Variants in PDGFD observed in about 807,000 individuals in gnomAD.
The protein encoded by PDGFD is platelet derived growth factor D, also known as platelet-derived growth factor D.
In PDGFD, 30 loss-of-function variants were observed where a neutral mutation model predicts 44.7. The ratio of observed to expected loss-of-function variants is 0.67; its 90% confidence interval spans 0.50 to 0.91. The LOEUF (loss-of-function observed/expected upper bound fraction) is 0.91, where lower values mean the gene tolerates loss of function less well. Among genes scored for constraint, PDGFD ranks in the 40% least tolerant of loss-of-function variants. PDGFD has a pLI of 0.00. For synonymous variants in PDGFD, 173 were observed against 168.4 expected, an observed-to-expected ratio of 1.03 and a Z score of -0.21; for missense variants, 445 against 457.8, an observed-to-expected ratio of 0.97 and a Z score of 0.25.
intron 3 of PDGFD, among the ~76,000 whole-genome samples, chr11:103,978,422 T>G (rs554267521): frequency 6.6e-6 from 1 of 152,056 alleles, no homozygotes; most frequent in Non-Finnish European, 1.5e-5. Flanking sequence ...TGCTGTTTGT[T>G]TGAAGGGTAG....
intron 1 of PDGFD, among the ~76,000 whole-genome samples, chr11:104,099,342 A>T (rs1861334549): frequency 6.6e-6 from 1 of 152,152 alleles, no homozygotes; most frequent in African/African-American, 2.4e-5. Context: ...GTTATGATGA[A>T]ATATGAACAT....
chr11:103,971,749 C>T (rs1011963192), intron 3 of PDGFD, among the ~76,000 whole-genome samples: 4 of 152,202 alleles, frequency 2.6e-5, no homozygotes, highest in African/African-American at 9.6e-5. Flanking sequence ...TTAATAAGTT[C>T]TCCCACTGTA....
intron 5 of PDGFD, among the ~76,000 whole-genome samples, chr11:103,936,591 T>C (rs1369946220): frequency 6.6e-6 from 1 of 152,180 alleles, no homozygotes; most frequent in Non-Finnish European, 1.5e-5. Context: ...TACCTGTAAA[T>C]AATTTGCAAA....
At chr11:104,142,449 A>G (rs1388424143) in intron 1 of PDGFD, among the ~76,000 whole-genome samples, 6 of 152,166 alleles carry the variant, frequency 3.9e-5, no homozygotes, top group Admixed American at 3.3e-4. Context: ...GTGTGTGTAT[A>G]TATATAGTAT....
At chr11:104,063,725 G>C (rs556532918) in intron 1 of PDGFD, among the ~76,000 whole-genome samples, 1 of 152,108 alleles carries the variant, frequency 6.6e-6, no homozygotes, top group African/African-American at 2.4e-5. Flanking sequence ...AATGATGGGG[G>C]AGGTGCCACA....
chr11:103,979,794 T>C (rs1272460356), intron 3 of PDGFD, among the ~76,000 whole-genome samples: 1 of 152,108 alleles, frequency 6.6e-6, no homozygotes, highest in East Asian at 1.9e-4. Flanking sequence ...GAAATAACCA[T>C]TCTATTTTTA....
At chr11:104,120,614 G>A (rs1235436535) in intron 1 of PDGFD, among the ~76,000 whole-genome samples, 1 of 151,788 alleles carries the variant, frequency 6.6e-6, no homozygotes, top group East Asian at 1.9e-4. Flanking sequence ...TTACTATCTC[G>A]AGAATTTGAT....
chr11:104,119,164 C>T (rs1202853362), intron 1 of PDGFD, among the ~76,000 whole-genome samples: 1,503 of 5,774 alleles, frequency 0.26, 375 homozygotes, highest in Non-Finnish European at 0.28. Context: ...ATTGATATAA[C>T]ATATAATATA....
intron 1 of PDGFD, chr11:104,037,233 G>C: frequency 6.2e-7 from 1 of 1,613,706 alleles, no homozygotes; most frequent in Non-Finnish European, 8.5e-7. Flanking sequence ...TGGCCGGCCT[G>C]CAAGGTCTGG....
At chr11:103,941,937 A>G (rs1421744691) in intron 5 of PDGFD, among the ~76,000 whole-genome samples, 1 of 152,112 alleles carries the variant, frequency 6.6e-6, no homozygotes, top group Non-Finnish European at 1.5e-5. Flanking sequence ...AATGTCTTAC[A>G]GAAAAGCAAT....
Position 104,071,048 on chromosome 11 carries a change from G to A in PDGFD, c.125-70793C>T, listed in dbSNP as rs150210431. Among the ~76,000 whole-genome samples the A allele has an allele frequency of 4.5e-3, 685 of 151,844 alleles. 8 individuals carry two copies. The highest frequency in any genetic ancestry group is 0.016 in the African/African-American group (652 of 41,446). ...GCCTGCTCCCTCACTGCCTCACTAG[G>A]GGAGTGTGATGTAAACAATATACAT... On this transcript the variant is annotated intron_variant, in intron 1 of 6. Coordinates refer to ENST00000393158, the MANE Select transcript of PDGFD (RefSeq NM_025208.5).
chr11:103,936,608 T>C (rs1249612512), intron 5 of PDGFD, among the ~76,000 whole-genome samples: 1 of 152,114 alleles, frequency 6.6e-6, no homozygotes, highest in Non-Finnish European at 1.5e-5. Context: ...CAAATTAGAG[T>C]CAAATGTTTT....
At chr11:104,061,025 C>A (rs1860707320) in intron 1 of PDGFD, among the ~76,000 whole-genome samples, 1 of 152,098 alleles carries the variant, frequency 6.6e-6, no homozygotes, top group African/African-American at 2.4e-5. Context: ...CCCACAGGCC[C>A]TGGTAACCTC....
intron 3 of PDGFD, among the ~76,000 whole-genome samples, chr11:103,953,090 T>A (rs145577101): frequency 6.6e-6 from 1 of 152,132 alleles, no homozygotes; most frequent in African/African-American, 2.4e-5. Flanking sequence ...TTTCTAAGCA[T>A]AAATGCTAAA....
chr11:104,012,532 G>C (rs1462206328), intron 1 of PDGFD, among the ~76,000 whole-genome samples: 1 of 152,190 alleles, frequency 6.6e-6, no homozygotes, highest in Non-Finnish European at 1.5e-5. Flanking sequence ...TGGTGTTTTA[G>C]AATGAAACAA....
chr11:104,037,151 AG>A, intron 1 of PDGFD: 1 of 1,613,796 alleles, frequency 6.2e-7, no homozygotes, highest in African/African-American at 1.3e-5. Flanking sequence ...TCCCGTCCAC[AG>A]CACCCTGGAC....
Position 103,942,357 on chromosome 11 carries a change from T to A in PDGFD, c.772+1095A>T, listed in dbSNP as rs78864421. 4.3e-3 allele frequency among the ~76,000 whole-genome samples: 662 copies of A among 152,256 alleles called. 9 individuals carry two copies. The South Asian group carries it at 0.055, about 13-fold the overall frequency. On this transcript the variant is annotated intron_variant, in intron 5 of 6. Transcript: ENST00000393158. ...TTATTCAATAAGAGGCAACTATATT[T>A]CATATCTTTATTAATTGGAGTTTTA...
intron 1 of PDGFD, among the ~76,000 whole-genome samples, chr11:104,134,837 C>A (rs17102035): frequency 0.13 from 19,796 of 152,178 alleles, 1,420 homozygotes; most frequent in East Asian, 0.29. Flanking sequence ...TTTCTGACTG[C>A]CTCTTCCTTC....
intron 1 of PDGFD, among the ~76,000 whole-genome samples, chr11:104,087,021 C>CTTTTTTTTTTTTT (rs528848924): frequency 2.9e-5 from 3 of 103,206 alleles, no homozygotes; most frequent in Non-Finnish European, 5.6e-5. Context: ...GGCTCTTAGT[C>CTTTTTTTTTTTTT]TTTTTTTTTT....
Sources: gnomAD v4.1 joint callset for allele counts (sites outside exome capture counted in the v4.1 genomes callset) on GRCh38, gnomAD v4.1.1 for gene constraint, MANE v1.5 for transcripts, NCBI Gene and HGNC (gene_info 2026-07-23, HGNC 2026-07-21) for gene names.